SCFD2: variants seen among roughly 807,000 people sequenced by gnomAD.
The protein encoded by SCFD2 is sec1 family domain containing 2.
A neutral mutation model predicts 58.9 loss-of-function variants in SCFD2; 54 were observed. The observed-to-expected ratio is 0.92, with a 90% CI of 0.74 to 1.15. The LOEUF (loss-of-function observed/expected upper bound fraction) is 1.15. Among genes scored for constraint, SCFD2 ranks in the 50% most tolerant of loss-of-function variants. The pLI is 0.00. For missense variants in SCFD2, 805 were observed against 836.6 expected (o/e 0.96, Z 0.47); for synonymous variants, 321 against 335.9 (o/e 0.96, Z 0.49).
intron 2 of SCFD2, among the ~76,000 whole-genome samples, chr4:53,333,731 A>G (rs1733578416): frequency 8.4e-6 from 1 of 119,230 alleles, no homozygotes; most frequent in East Asian, 2.2e-4. Context: ...AATGGCAACA[A>G]AAGCCAAAAT....
intron 3 of SCFD2, among the ~76,000 whole-genome samples, chr4:53,311,787 C>T (rs1274105190): frequency 6.6e-6 from 1 of 151,988 alleles, no homozygotes; most frequent in Non-Finnish European, 1.5e-5. Flanking sequence ...AGGTGCGCGC[C>T]ACCACACCCA....
intron 5 of SCFD2, among the ~76,000 whole-genome samples, chr4:53,034,646 G>A (rs983177366): frequency 6.6e-6 from 1 of 152,166 alleles, no homozygotes; most frequent in Non-Finnish European, 1.5e-5. Context: ...CAAAATCAAT[G>A]TGCAAAGATC....
intron 7 of SCFD2, among the ~76,000 whole-genome samples, chr4:52,902,271 T>C (rs1310521849): frequency 9.2e-5 from 14 of 151,972 alleles, no homozygotes. Context: ...ACAGTCTATA[T>C]CTCCCAAGAC....
At chr4:53,041,487 C>T (rs1189121750) in intron 5 of SCFD2, among the ~76,000 whole-genome samples, 1 of 152,126 alleles carries the variant, frequency 6.6e-6, no homozygotes, top group Non-Finnish European at 1.5e-5. Flanking sequence ...CACAGTAAAA[C>T]AGCATTTAAA....
intron 5 of SCFD2, among the ~76,000 whole-genome samples, chr4:53,118,541 C>T (rs1381850352): frequency 6.6e-6 from 1 of 152,104 alleles, no homozygotes; most frequent in Non-Finnish European, 1.5e-5. Context: ...GTAGAATTTT[C>T]TTCCAGGTTC....
At chr4:53,018,317 A>G (rs931121228) in intron 5 of SCFD2, among the ~76,000 whole-genome samples, 2 of 152,256 alleles carry the variant, frequency 1.3e-5, no homozygotes, top group African/African-American at 4.8e-5. Context: ...TTCACAGATT[A>G]CTAAAATGGA....
intron 2 of SCFD2, among the ~76,000 whole-genome samples, chr4:53,345,616 T>A (rs566841180): frequency 6.6e-6 from 1 of 151,892 alleles, no homozygotes; most frequent in Admixed American, 6.5e-5. Context: ...CGAAGGATTA[T>A]AAATCATGCT....
At chr4:53,082,611 A>G (rs1724180953) in intron 5 of SCFD2, among the ~76,000 whole-genome samples, 1 of 152,118 alleles carries the variant, frequency 6.6e-6, no homozygotes, top group Non-Finnish European at 1.5e-5. Flanking sequence ...AAAGATTCAC[A>G]TTTGAATTGG....
At chr4:53,129,581 C>T (rs1441956495) in intron 5 of SCFD2, among the ~76,000 whole-genome samples, 1 of 152,094 alleles carries the variant, frequency 6.6e-6, no homozygotes, top group Non-Finnish European at 1.5e-5. Flanking sequence ...TTTTTTGCTG[C>T]AATTTTAGGC....
intron 2 of SCFD2, among the ~76,000 whole-genome samples, chr4:53,339,776 GA>G (rs530868212): frequency 5.0e-5 from 7 of 139,308 alleles, no homozygotes; most frequent in African/African-American, 2.6e-5. Flanking sequence ...TCTCAAAAAA[GA>G]AAAAAAAAAG....
intron 4 of SCFD2, among the ~76,000 whole-genome samples, chr4:53,151,314 T>A (rs1726498082): frequency 6.6e-6 from 1 of 152,198 alleles, no homozygotes. Flanking sequence ...AAGTTTCTCA[T>A]TTGTTTTGAT....
intron 5 of SCFD2, among the ~76,000 whole-genome samples, chr4:52,997,699 C>G (rs1721774847): frequency 6.6e-6 from 1 of 152,200 alleles, no homozygotes; most frequent in South Asian, 2.1e-4. Context: ...TAGGCAAAAA[C>G]AGACCCAGAG....
chr4:53,042,235 G>A lies in SCFD2; in HGVS notation c.1561+103098C>T, dbSNP rs141410179. The stretch of plus-strand genomic sequence containing the variant: ...GCTATCTATTCCTCAATCCAAATCC[G>A]GAAATGCGTAAAATCATTTCACTGT... On this transcript the variant is annotated intron_variant, in intron 5 of 8. Coordinates refer to ENST00000401642, the MANE Select transcript of SCFD2 (RefSeq NM_152540.4). Among the ~76,000 whole-genome samples, 413 of 152,118 alleles carry A rather than the reference G, an allele frequency of 2.7e-3. 3 individuals are homozygous for A. The highest frequency in any genetic ancestry group is 3.4e-3 in the Middle Eastern group (1 of 294).
intron 5 of SCFD2, among the ~76,000 whole-genome samples, chr4:53,066,751 G>A (rs1419556901): frequency 6.6e-6 from 1 of 152,020 alleles, no homozygotes; most frequent in Non-Finnish European, 1.5e-5. Context: ...GATGTCAGCT[G>A]AAGTGTTATT....
chr4:52,981,743 C>T (rs897848036), intron 5 of SCFD2, among the ~76,000 whole-genome samples: 20 of 152,116 alleles, frequency 1.3e-4, no homozygotes, highest in African/African-American at 4.3e-4. Flanking sequence ...CCAGGAGAGA[C>T]GGTCAGGGCT....
At chr4:53,196,529 G>C (rs1474075424) in intron 4 of SCFD2, among the ~76,000 whole-genome samples, 2 of 152,136 alleles carry the variant, frequency 1.3e-5, no homozygotes, top group Non-Finnish European at 2.9e-5. Context: ...GCCAGGCAAA[G>C]ACCATTCGCG....
chr4:53,182,798 A>C (rs1727615840), intron 4 of SCFD2, among the ~76,000 whole-genome samples: 1 of 152,036 alleles, frequency 6.6e-6, no homozygotes, highest in African/African-American at 2.4e-5. Context: ...AACTCAAACA[A>C]ATTTACAAGA....
chr4:53,210,989 A>G (rs1728591380), intron 4 of SCFD2, among the ~76,000 whole-genome samples: 1 of 152,058 alleles, frequency 6.6e-6, no homozygotes, highest in South Asian at 2.1e-4. Flanking sequence ...TTACTCCTGT[A>G]ATCCCAGCAC....
At chr4:52,929,679 A>T (rs1719943693) in intron 5 of SCFD2, among the ~76,000 whole-genome samples, 1 of 152,224 alleles carries the variant, frequency 6.6e-6, no homozygotes. Flanking sequence ...AGAGAGGCCC[A>T]GAAAGCGGGA....
Sources: gnomAD v4.1 joint callset for allele counts (sites outside exome capture counted in the v4.1 genomes callset) on GRCh38, gnomAD v4.1.1 for gene constraint, MANE v1.5 for transcripts, NCBI Gene and HGNC (gene_info 2026-07-23, HGNC 2026-07-21) for gene names.